The following FHL2 variants were observed in gnomAD, a reference collection of about 807,000 sequenced individuals.
FHL2 encodes four and a half LIM domains protein 2.
FHL2 carries 20 observed loss-of-function variants against 32.7 expected under a neutral mutation model. That is an observed-to-expected ratio of 0.61 (90% CI 0.43 to 0.89). The LOEUF (loss-of-function observed/expected upper bound fraction) is 0.89. FHL2 is among the 40% of genes least tolerant of loss of function. The pLI is 0.00. For synonymous variants in FHL2, 123 were observed against 128.1 expected, an observed-to-expected ratio of 0.96 and a Z score of 0.27; for missense variants, 311 against 358.6, an observed-to-expected ratio of 0.87 and a Z score of 1.07.
chr2:105,406,583 C>G (rs1683637312), intron 1 of FHL2, among the ~76,000 whole-genome samples: 2 of 152,126 alleles, frequency 1.3e-5, no homozygotes, highest in Non-Finnish European at 2.9e-5. Flanking sequence ...GTCTCACGCT[C>G]TTTGCATGGA....
rs879204828 is a variant in FHL2 at position 105,361,167 on chromosome 2, C to G, written c.*116G>C. 2.9e-6 allele frequency: 3 copies of G among 1,051,984 alleles called. No homozygotes were observed. 65.2% of individuals were successfully genotyped at this position (1,051,984 alleles called of 1,614,324 possible). ...CAAACGTGAGTATCACTGAAAAGCA[C>G]TAGAAGAAAGTCTCAATGTGGCTGG... On this transcript the variant is annotated 3_prime_UTR_variant, in exon 7 of 7. Coordinates refer to ENST00000530340, the MANE Select transcript of FHL2 (RefSeq NM_001318895.3).
upstream of FHL2, chr2:105,399,087 G>A (rs1400980248): frequency 2.0e-6 from 3 of 1,486,290 alleles, no homozygotes; most frequent in South Asian, 3.9e-5. Context: ...GAGAAACCCC[G>A]CCGTGTCATT....
At chr2:105,415,274 T>C (rs1273038063) in intron 1 of FHL2, among the ~76,000 whole-genome samples, 4 of 152,224 alleles carry the variant, frequency 2.6e-5, no homozygotes, top group African/African-American at 9.6e-5. Context: ...TGGAGTATCC[T>C]ACCATTTGTA....
At chr2:105,412,103 G>A (rs1404415558) in intron 1 of FHL2, among the ~76,000 whole-genome samples, 6 of 152,204 alleles carry the variant, frequency 3.9e-5, no homozygotes, top group Non-Finnish European at 1.5e-5. Context: ...AGAATTGAAA[G>A]CAGGGTTTGG....
In FHL2 at chr2:105,361,352, T is replaced by A. The variant is rs763513286; in HGVS notation, c.771A>T (p.Ser257=). The A allele has an allele frequency of 1.2e-6, 2 of 1,614,050 alleles. No individual in the cohort carries two copies. The highest frequency in any genetic ancestry group is 1.7e-6 in the Non-Finnish European group (2 of 1,179,880). The change falls in exon 7 of 7, where the codon TCA becomes TCT. Residue 257 remains serine (S), a synonymous_variant. Coordinates refer to ENST00000530340, the MANE Select transcript of FHL2 (RefSeq NM_001318895.3). ...DCFNCKKCSL[S]LVGRGFLTER... ...CTGTGAGGAAGCCACGCCCCACCAGTGAGAGGGAGCACTTCTTACAGTTAA... is the reference window on the plus strand; with the variant it reads ...CTGTGAGGAAGCCACGCCCCACCAGAGAGAGGGAGCACTTCTTACAGTTAA...
chr2:105,375,358 G>A (rs1681395758), intron 3 of FHL2: 3 of 152,250 alleles, frequency 2.0e-5, no homozygotes, highest in Admixed American at 2.0e-4. Context: ...CCTGTTGGAA[G>A]TTTGCTTCCT....
At chr2:105,380,622 T>C (rs763709916) in intron 3 of FHL2, among the ~76,000 whole-genome samples, 2 of 152,232 alleles carry the variant, frequency 1.3e-5, no homozygotes, top group Non-Finnish European at 2.9e-5. Context: ...ATTTCATTAG[T>C]ACTCCATTGT....
intron 1 of FHL2, among the ~76,000 whole-genome samples, chr2:105,398,259 CTAAGA>C (rs1683278413): frequency 1.3e-5 from 2 of 152,142 alleles, no homozygotes; most frequent in Admixed American, 6.5e-5. Context: ...TTCTGGTATG[CTAAGA>C]TATCACACGA....
intron 1 of FHL2, among the ~76,000 whole-genome samples, chr2:105,426,707 T>G (rs1684278686): frequency 6.6e-6 from 1 of 152,174 alleles, no homozygotes; most frequent in Non-Finnish European, 1.5e-5. Flanking sequence ...ATTTTCCACT[T>G]ATGTTGTGGC....
chr2:105,397,881 G>GTTTTT (rs749684273), intron 1 of FHL2, among the ~76,000 whole-genome samples: 8 of 116,302 alleles, frequency 6.9e-5, no homozygotes, highest in African/African-American at 2.2e-4. Flanking sequence ...TTGTTTTTTT[G>GTTTTT]TTTTTTGTTT....
At chr2:105,421,579 G>C (rs370680289) in intron 1 of FHL2, among the ~76,000 whole-genome samples, 26 of 140,822 alleles carry the variant, frequency 1.8e-4, no homozygotes, top group African/African-American at 8.4e-4. Flanking sequence ...GCAACAAAAT[G>C]CTCCAGATGA....
chr2:105,405,772 C>G (rs1346871514), intron 1 of FHL2, among the ~76,000 whole-genome samples: 5 of 152,252 alleles, frequency 3.3e-5, no homozygotes, highest in African/African-American at 1.2e-4. Context: ...TGGCCAGGCT[C>G]TAGGAGGCAG....
At chr2:105,404,229 C>T (rs2104646474) in intron 1 of FHL2, among the ~76,000 whole-genome samples, 1 of 152,380 alleles carries the variant, frequency 6.6e-6, no homozygotes, top group African/African-American at 2.4e-5. Flanking sequence ...GGATTTCACA[C>T]AAGCTGTTCC....
At chr2:105,388,730 A>G (rs1163838233) in intron 2 of FHL2, among the ~76,000 whole-genome samples, 1 of 151,978 alleles carries the variant, frequency 6.6e-6, no homozygotes, top group Non-Finnish European at 1.5e-5. Context: ...GCTACTCAGG[A>G]CGCTAAGGCA....
intron 1 of FHL2, among the ~76,000 whole-genome samples, chr2:105,413,739 C>T (rs1172509438): frequency 2.0e-5 from 3 of 152,210 alleles, no homozygotes; most frequent in Non-Finnish European, 4.4e-5. Context: ...TTTGGCTTCC[C>T]AAAGCCCTGA....
intron 2 of FHL2, among the ~76,000 whole-genome samples, chr2:105,394,989 T>A (rs1683022445): frequency 6.6e-6 from 1 of 152,260 alleles, no homozygotes; most frequent in Non-Finnish European, 1.5e-5. Flanking sequence ...CTGAAGTCCA[T>A]GACTACAAGA....
chr2:105,387,721 G>T (rs1346327189), intron 2 of FHL2, among the ~76,000 whole-genome samples: 1 of 152,118 alleles, frequency 6.6e-6, no homozygotes, highest in Non-Finnish European at 1.5e-5. Context: ...GCTAAAAACA[G>T]AACTACCATT....
chr2:105,433,535 G>T (rs963150677), intron 1 of FHL2, among the ~76,000 whole-genome samples: 28 of 152,286 alleles, frequency 1.8e-4, no homozygotes, highest in African/African-American at 6.5e-4. Context: ...CAAGTTTCTA[G>T]TGGGATTAGT....
downstream of FHL2, chr2:105,358,766 T>C (rs1680109361): frequency 6.6e-6 from 1 of 152,264 alleles, no homozygotes; most frequent in Admixed American, 6.5e-5. Context: ...TGTAAAGTCC[T>C]GTCAGTCAAT....
Sources: allele counts gnomAD v4.1 joint callset (sites outside exome capture counted in the v4.1 genomes callset), GRCh38; gene constraint gnomAD v4.1.1; transcripts MANE v1.5; gene names NCBI Gene and HGNC (gene_info 2026-07-23, HGNC 2026-07-21).